The following LIMS1 variants were observed in gnomAD, a reference collection of about 807,000 sequenced individuals.
LIMS1 encodes the protein LIM and senescent cell antigen-like-containing domain protein 1.
LIMS1 carries 18 observed loss-of-function variants against 44.1 expected under a neutral mutation model. That is an observed-to-expected ratio of 0.41 (90% CI 0.28 to 0.61). The LOEUF (loss-of-function observed/expected upper bound fraction) is 0.61, where lower values mean the gene tolerates loss of function less well. LIMS1 is among the 20% of genes least tolerant of loss of function. The probability of loss-of-function intolerance (pLI) is 0.32; values close to 1 mark genes in which losing one functional copy is unlikely to be tolerated. For synonymous variants in LIMS1, 93 were observed against 149.1 expected, an observed-to-expected ratio of 0.62 and a Z score of 2.74; for missense variants, 201 against 422.0, an observed-to-expected ratio of 0.48 and a Z score of 4.59.
chr2:108,680,271 G>A (rs1210321345), intron 8 of LIMS1, among the ~76,000 whole-genome samples: 1 of 150,948 alleles, frequency 6.6e-6, no homozygotes, highest in East Asian at 2.0e-4. Flanking sequence ...GGAAAATGAG[G>A]CAGGAGAATC....
intron 1 of LIMS1, among the ~76,000 whole-genome samples, chr2:108,608,315 T>G (rs1489396524): frequency 6.6e-6 from 1 of 151,822 alleles, no homozygotes; most frequent in Admixed American, 6.6e-5. Context: ...CACTTTTTTT[T>G]TTTTTTTTGA....
chr2:108,541,835 C>T lies in LIMS1; in HGVS notation c.32+7241C>T, dbSNP rs141506019. Among the ~76,000 whole-genome samples, 43 of 152,320 alleles carry T rather than the reference C, an allele frequency of 2.8e-4. 1 individual carries two copies. The East Asian group carries it at 8.3e-3, about 29-fold the overall frequency. ...ACGAATTCCTGGAGCATTAATTTAG[C>T]CCCCGCTGTGTAGTAGGGAATTAGG... On this transcript the variant is annotated intron_variant, in intron 1 of 9. Transcript: ENST00000544547.
chr2:108,587,874 C>T (rs1382640967), intron 1 of LIMS1, among the ~76,000 whole-genome samples: 7 of 152,156 alleles, frequency 4.6e-5, no homozygotes, highest in African/African-American at 1.7e-4. Flanking sequence ...CTGGGGCAGC[C>T]AGAGCCTGGC....
intron 2 of LIMS1, chr2:108,662,671 A>G: frequency 1.1e-6 from 1 of 944,026 alleles, no homozygotes; most frequent in Non-Finnish European, 1.3e-6. Flanking sequence ...AATAATCTTC[A>G]CTTTCAGTTA....
At position 108,686,945 on chromosome 2, in the gene LIMS1, G is replaced by A. The variant is rs557186431; in HGVS notation, c.*2946G>A. ...TTCATTGTTCATGCCAAAATTCTAA[G>A]TACTGTTTTTCTTAGCAAGTGTAAC... On this transcript the variant is annotated 3_prime_UTR_variant, in exon 10 of 10. Transcript: ENST00000544547. 9.2e-5 allele frequency: 14 copies of A among 152,286 alleles called. No homozygotes were observed. In the East Asian group the frequency reaches 1.2e-3, roughly 13 times the overall value. The allele number at this position is 152,286 out of a possible 1,614,324, so 9.4% of individuals were successfully genotyped here. A position where few individuals can be genotyped will look rare whatever the true frequency, so the allele number is the denominator to read the frequency against.
chr2:108,603,851 A>G (rs1687139781), intron 1 of LIMS1, among the ~76,000 whole-genome samples: 1 of 151,802 alleles, frequency 6.6e-6, no homozygotes, highest in African/African-American at 2.4e-5. Flanking sequence ...GAACTTTATT[A>G]TTTCTTTTCT....
Position 108,670,733 on chromosome 2 carries a change from T to C in LIMS1, c.193-48T>C, listed in dbSNP as rs574469826. Reference sequence around the variant, plus strand: ...TATCTTCATCAAATAATTATATTTCTCCTGTGATTGTTTCGTGTTTGTAAG... The same window carrying C: ...TATCTTCATCAAATAATTATATTTCCCCTGTGATTGTTTCGTGTTTGTAAG... On this transcript the variant is annotated intron_variant, in intron 2 of 9. Coordinates refer to ENST00000544547, the Ensembl canonical transcript of LIMS1. The C allele has an allele frequency of 1.3e-3, 2,109 of 1,611,472 alleles. 27 individuals carry two copies. The African/African-American group carries it at 0.025, about 19-fold the overall frequency.
chr2:108,551,478 T>A (rs1008540923), intron 1 of LIMS1, among the ~76,000 whole-genome samples: 9 of 116,818 alleles, frequency 7.7e-5, no homozygotes, highest in African/African-American at 2.3e-4. Flanking sequence ...TATATACATA[T>A]ATGCGCGCGC....
chr2:108,538,927 GT>G (rs1558778524), intron 1 of LIMS1, among the ~76,000 whole-genome samples: 1 of 152,142 alleles, frequency 6.6e-6, no homozygotes. Flanking sequence ...GTGTATCTGG[GT>G]TTACCTTATG....
chr2:108,546,012 A>G (rs1157276729), intron 1 of LIMS1, among the ~76,000 whole-genome samples: 3 of 152,246 alleles, frequency 2.0e-5, no homozygotes, highest in Non-Finnish European at 4.4e-5. Flanking sequence ...ACAATCTGAC[A>G]GATTACACAT....
intron 1 of LIMS1, among the ~76,000 whole-genome samples, chr2:108,621,882 G>A (rs1241899380): frequency 6.6e-6 from 1 of 152,128 alleles, no homozygotes; most frequent in African/African-American, 2.4e-5. Flanking sequence ...GTGCCATGGA[G>A]ATTGTTACTG....
At chr2:108,537,651 A>G (rs1448395520) in intron 1 of LIMS1, among the ~76,000 whole-genome samples, 1 of 152,228 alleles carries the variant, frequency 6.6e-6, no homozygotes, top group Non-Finnish European at 1.5e-5. Context: ...ACAAAAGATC[A>G]TTTCAGTTCT....
rs1035029012 is a variant in LIMS1 at position 108,676,516 on chromosome 2, T to C, written c.682-90T>C. Reference sequence around the variant, plus strand: ...AATGACTGTCTCAAACTTTCCTTCATCTTCTCTGAAAATAGGTTAACTCTG... The same window carrying C: ...AATGACTGTCTCAAACTTTCCTTCACCTTCTCTGAAAATAGGTTAACTCTG... On this transcript the variant is annotated intron_variant, in intron 6 of 9. Transcript: ENST00000544547. The C allele has an allele frequency of 2.1e-6, 3 of 1,461,626 alleles. No homozygotes were observed. The African/African-American group carries it at 4.2e-5, about 21-fold the overall frequency. The allele number at this position is 1,461,626 out of a possible 1,614,324, so 90.5% of individuals were successfully genotyped here.
chr2:108,662,847 C>G (rs1573586555), intron 2 of LIMS1: 1 of 729,258 alleles, frequency 1.4e-6, no homozygotes, highest in Non-Finnish European at 1.7e-6. Context: ...CAACTTCCTT[C>G]CCTGATTTCC....
In LIMS1 at chr2:108,654,242, A is replaced by G. The variant is rs1690697889; in HGVS notation, c.33-5363A>G. ...TCAATCACAGGAGACAGGAGTGTGAACTGAATATAGCAAGAATGCCAAAGT... is the reference window on the plus strand; with the variant it reads ...TCAATCACAGGAGACAGGAGTGTGAGCTGAATATAGCAAGAATGCCAAAGT... On this transcript the variant is annotated intron_variant, in intron 1 of 9. Coordinates refer to ENST00000544547, the Ensembl canonical transcript of LIMS1. Among the ~76,000 whole-genome samples, 3 of 152,048 alleles carry G rather than the reference A, an allele frequency of 2.0e-5. No homozygotes were observed. In the South Asian group the frequency reaches 6.2e-4, roughly 32 times the overall value.
intron 1 of LIMS1, among the ~76,000 whole-genome samples, chr2:108,633,307 A>G (rs1045665945): frequency 2.0e-5 from 3 of 152,242 alleles, no homozygotes; most frequent in Non-Finnish European, 4.4e-5. Context: ...GTAATAGGTT[A>G]GAATATTGCC....
intron 1 of LIMS1, among the ~76,000 whole-genome samples, chr2:108,572,711 G>C (rs1042417506): frequency 2.0e-5 from 3 of 152,112 alleles, no homozygotes; most frequent in Admixed American, 2.0e-4. Context: ...ATGTGTATAG[G>C]AGGAATAAGC....
intron 1 of LIMS1, among the ~76,000 whole-genome samples, chr2:108,642,486 A>C (rs1165390799): frequency 6.6e-6 from 1 of 150,716 alleles, no homozygotes; most frequent in East Asian, 1.9e-4. Flanking sequence ...CAGCCTCCCG[A>C]GTAGCTGGGA....
intron 1 of LIMS1, among the ~76,000 whole-genome samples, chr2:108,643,517 C>G (rs1689851296): frequency 6.6e-6 from 1 of 152,288 alleles, no homozygotes; most frequent in East Asian, 1.9e-4. Context: ...CCCTCTGAAG[C>G]CTACACCACC....
Sources: allele counts gnomAD v4.1 joint callset (sites outside exome capture counted in the v4.1 genomes callset), GRCh38; gene constraint gnomAD v4.1.1; transcripts MANE v1.5; gene names NCBI Gene and HGNC (gene_info 2026-07-23, HGNC 2026-07-21).